FBXO25: variants seen among roughly 807,000 people sequenced by gnomAD.
The protein encoded by FBXO25 is F-box protein 25, also known as F-box only protein 25.
A neutral mutation model predicts 51.9 loss-of-function variants in FBXO25; 45 were observed. The ratio of observed to expected loss-of-function variants is 0.87; its 90% CI spans 0.68 to 1.11. The LOEUF (loss-of-function observed/expected upper bound fraction) is 1.11. Among genes scored for constraint, FBXO25 ranks in the 50% most tolerant of loss-of-function variants. FBXO25 has a pLI of 0.00. For synonymous variants in FBXO25, 199 were observed against 151.0 expected (o/e 1.32, Z -2.33); for missense variants, 507 against 428.5 (o/e 1.18, Z -1.62).
chr8:410,871 G>A (rs982059665), intron 1 of FBXO25, among the ~76,000 whole-genome samples: 5 of 152,144 alleles, frequency 3.3e-5, no homozygotes, highest in Admixed American at 3.3e-4. Flanking sequence ...TTTTCTTCGT[G>A]TAAAGAATAA....
intron 2 of FBXO25, among the ~76,000 whole-genome samples, chr8:414,429 G>A (rs965595482): frequency 6.6e-5 from 10 of 151,994 alleles, no homozygotes; most frequent in Admixed American, 3.3e-4. Flanking sequence ...TATTAAATGT[G>A]GATTTTAGGA....
chr8:424,661 T>G (rs1161334315), intron 2 of FBXO25, among the ~76,000 whole-genome samples: 1 of 152,206 alleles, frequency 6.6e-6, no homozygotes, highest in African/African-American at 2.4e-5. Flanking sequence ...TGTCAAAGAT[T>G]GAATGGTTGT....
At chr8:462,977 C>G (rs200705045) in intron 8 of FBXO25, 30 bp from the exon 9 acceptor site, 2 of 1,585,958 alleles carry the variant, frequency 1.3e-6, no homozygotes, top group East Asian at 2.2e-5. Context: ...TCATCTTATG[C>G]GGATTCTGAA....
At chr8:451,955 C>T (rs985031969) in intron 7 of FBXO25, among the ~76,000 whole-genome samples, 2 of 152,090 alleles carry the variant, frequency 1.3e-5, no homozygotes, top group African/African-American at 4.8e-5. Flanking sequence ...TAACTAGTTT[C>T]AACAAGAATA....
chr8:425,940 A>C (rs1269364448), intron 2 of FBXO25, among the ~76,000 whole-genome samples: 1 of 144,980 alleles, frequency 6.9e-6, no homozygotes, highest in African/African-American at 2.6e-5. Context: ...TATAGCAAAC[A>C]CTTAGTTTCT....
chr8:446,118 G>T (rs1043020200), intron 5 of FBXO25, among the ~76,000 whole-genome samples: 10 of 152,046 alleles, frequency 6.6e-5, no homozygotes, highest in Non-Finnish European at 1.5e-4. Context: ...GGCCTCTGGA[G>T]CACTTCACTG....
At position 472,010 on chromosome 8, in the gene FBXO25, C is replaced by T. The variant is rs1178593811; in HGVS notation, c.*3206C>T. The stretch of plus-strand genomic sequence containing the variant: ...CCTGATGCTGTGTACAAAATCATGT[C>T]ATCTATGAATAGACAGTTTCACTTC... On this transcript the variant is annotated 3_prime_UTR_variant, in exon 10 of 10. Transcript: ENST00000350302. 1 of 152,216 alleles carries T rather than the reference C, an allele frequency of 6.6e-6. No homozygotes were observed. The highest frequency in any genetic ancestry group is 1.9e-4 in the East Asian group (1 of 5,192). 9.4% of individuals were successfully genotyped at this position (152,216 alleles called of 1,614,324 possible). A position where few individuals can be genotyped will look rare whatever the true frequency, so the allele number is the denominator to read the frequency against.
At chr8:467,830 C>A (rs186764647) in intron 9 of FBXO25, 1 of 1,601,382 alleles carries the variant, frequency 6.2e-7, no homozygotes, top group Admixed American at 1.7e-5. Flanking sequence ...ATCTTGGCCA[C>A]TGCCCGGCTC....
In FBXO25 at chr8:475,072, T is replaced by G. The variant is rs551182674; in HGVS notation, c.*6268T>G. ...ATGTTGTTAAAAGTTTCCCTTATGT[T>G]TCTCCTAAATGTTTTAGTTTTAGCT... On this transcript the variant is annotated 3_prime_UTR_variant, in exon 10 of 10. Transcript: ENST00000350302. 2.6e-6 allele frequency: 1 copy of G among 380,584 alleles called. No individual in the cohort carries two copies. Among genetic ancestry groups the G allele is most frequent in the Admixed American group, 3.7e-5 (1 of 27,278 alleles). 23.6% of individuals were successfully genotyped at this position (380,584 alleles called of 1,614,324 possible).
At chr8:438,891 G>T (rs1250701545) in intron 5 of FBXO25, among the ~76,000 whole-genome samples, 2 of 152,188 alleles carry the variant, frequency 1.3e-5, no homozygotes, top group Admixed American at 1.3e-4. Context: ...GTGTGCCAGT[G>T]GCCACGTGTT....
At chr8:453,953 G>A (rs1411388005) in intron 7 of FBXO25, among the ~76,000 whole-genome samples, 1 of 152,090 alleles carries the variant, frequency 6.6e-6, no homozygotes, top group Non-Finnish European at 1.5e-5. Flanking sequence ...GTGAAACGCT[G>A]TCTTTACTAA....
chr8:438,059 CT>C (rs1416537152), intron 5 of FBXO25, among the ~76,000 whole-genome samples: 362 of 142,492 alleles, frequency 2.5e-3, no homozygotes, highest in Middle Eastern at 7.4e-3. Flanking sequence ...TAATGTGTAT[CT>C]TTTTTTTTTT....
intron 2 of FBXO25, among the ~76,000 whole-genome samples, chr8:428,719 C>G (rs1797642270): frequency 6.6e-6 from 1 of 152,182 alleles, no homozygotes; most frequent in Non-Finnish European, 1.5e-5. Flanking sequence ...ACCCCCAGAC[C>G]TGGTAACTGG....
intron 6 of FBXO25, 22 bp from the exon 7 acceptor site, chr8:451,247 G>A (rs1056195723): frequency 1.3e-6 from 2 of 1,578,924 alleles, no homozygotes; most frequent in Non-Finnish European, 1.7e-6. Context: ...TCAATCCATA[G>A]TTTTATTTTT....
At chr8:413,362 T>A in intron 2 of FBXO25, 149 bp downstream of exon 2, 1 of 1,316,726 alleles carries the variant, frequency 7.6e-7, no homozygotes, top group Non-Finnish European at 9.8e-7. Flanking sequence ...AGCTAAAAAA[T>A]GAGGCTAGTA....
chr8:461,075 A>G (rs558380867), intron 8 of FBXO25, among the ~76,000 whole-genome samples: 49 of 152,170 alleles, frequency 3.2e-4, no homozygotes, highest in Non-Finnish European at 6.2e-4. Context: ...TAGCCCGTGC[A>G]TTTTGTTTTT....
At chr8:459,595 G>T (rs1302755887) in intron 8 of FBXO25, among the ~76,000 whole-genome samples, 2 of 152,204 alleles carry the variant, frequency 1.3e-5, no homozygotes, top group Admixed American at 6.5e-5. Flanking sequence ...AGAGTTATGG[G>T]CAAGGAAGTG....
chr8:467,940 A>G (rs143976843), intron 9 of FBXO25: 6 of 1,426,436 alleles, frequency 4.2e-6, no homozygotes, highest in African/African-American at 2.9e-5. Flanking sequence ...TGTTGATGAA[A>G]TATTTTGCAG....
chr8:458,528 C>CAGT lies in FBXO25; in HGVS notation c.822_824dup (p.Gln274_Tyr275insTer). 4 of 1,614,090 alleles carry CAGT rather than the reference C, an allele frequency of 2.5e-6. No homozygotes were observed. The highest frequency in any genetic ancestry group is 3.4e-6 in the Non-Finnish European group (4 of 1,179,970). ...CAGACAGCTGTGGAAGAAGCTTTGT[C>CAGT]AGTACCATTTTGCTGAAAAGCAGGT... On this transcript the variant is annotated stop_gained and inframe_insertion, in exon 8 of 10. Coordinates refer to ENST00000350302, the MANE Select transcript of FBXO25 (RefSeq NM_183420.2). LOFTEE classifies it high-confidence loss of function.
Sources: gnomAD v4.1 joint callset for allele counts (sites outside exome capture counted in the v4.1 genomes callset) on GRCh38, gnomAD v4.1.1 for gene constraint, MANE v1.5 for transcripts, NCBI Gene and HGNC (gene_info 2026-07-23, HGNC 2026-07-21) for gene names.